PHYH: variants seen among roughly 807,000 people sequenced by gnomAD.
PHYH encodes phytanoyl-CoA dioxygenase, peroxisomal.
In PHYH, 32 loss-of-function variants were observed where a neutral mutation model predicts 38.5. That is an observed-to-expected ratio of 0.83 (90% CI 0.63 to 1.12). PHYH has a LOEUF of 1.12. PHYH is among the 50% of genes most tolerant of loss of function. PHYH has a pLI of 0.00. For missense variants in PHYH, 426 were observed against 434.8 expected (o/e 0.98, Z 0.18); for synonymous variants, 166 against 157.9 (o/e 1.05, Z -0.38).
At chr10:13,299,379 G>C (rs1003620762) in intron 1 of PHYH, 1 of 971,184 alleles carries the variant, frequency 1.0e-6, no homozygotes, top group Non-Finnish European at 1.2e-6. Flanking sequence ...CAGAAGAGCC[G>C]AGACAACAGG....
intron 2 of PHYH, 150 bp downstream of exon 2, chr10:13,298,037 C>T: frequency 1.7e-6 from 1 of 584,686 alleles, no homozygotes; most frequent in Non-Finnish European, 3.1e-6. Context: ...AAATTTTCCA[C>T]AAGTGCACTA....
intron 7 of PHYH, among the ~76,000 whole-genome samples, chr10:13,282,428 T>TAAA (rs952850922): frequency 1.6e-4 from 25 of 151,766 alleles, no homozygotes; most frequent in Admixed American, 1.4e-3. Context: ...CCATCTCTAC[T>TAAA]AAAAAATACA....
intron 6 of PHYH, 105 bp from the exon 7 acceptor site, chr10:13,283,944 C>T (rs761895165): frequency 7.9e-6 from 8 of 1,015,024 alleles, no homozygotes; most frequent in Non-Finnish European, 1.3e-5. Context: ...GAAAGCATTT[C>T]TCTCTCCCAA....
chr10:13,291,649 T>A, intron 5 of PHYH, 182 bp downstream of exon 5: 1 of 598,472 alleles, frequency 1.7e-6, no homozygotes, highest in South Asian at 1.9e-5. Flanking sequence ...TGGATATTTT[T>A]AAATTTTATT....
intron 5 of PHYH, among the ~76,000 whole-genome samples, chr10:13,290,341 C>G (rs186752116): frequency 1.1e-4 from 17 of 151,906 alleles, no homozygotes; most frequent in Admixed American, 1.1e-3. Flanking sequence ...CCTCACCCCC[C>G]ACAACTATAG....
At chr10:13,298,961 T>TAAC (rs1329384980) in intron 1 of PHYH, among the ~76,000 whole-genome samples, 74 of 61,362 alleles carry the variant, frequency 1.2e-3, no homozygotes, top group Admixed American at 0.011. Context: ...ATAATAATAA[T>TAAC]AATAACAACA....
At chr10:13,289,176 T>C (rs1006799599) in intron 5 of PHYH, among the ~76,000 whole-genome samples, 1 of 152,048 alleles carries the variant, frequency 6.6e-6, no homozygotes, top group African/African-American at 2.4e-5. Context: ...AACATCCTCA[T>C]CTCTGTTGTG....
chr10:13,279,002 T>G (rs893424764), intron 8 of PHYH, among the ~76,000 whole-genome samples: 1 of 152,054 alleles, frequency 6.6e-6, no homozygotes, highest in East Asian at 1.9e-4. Flanking sequence ...TTTTTCTGCA[T>G]AATTTTTTTT....
At position 13,288,540 on chromosome 10, in the gene PHYH, G is replaced by C. The variant is rs1835619341; in HGVS notation, c.498C>G (p.Gly166=). 2 of 1,613,950 alleles carry C rather than the reference G, an allele frequency of 1.2e-6. No individual in the cohort carries two copies. The highest frequency in any genetic ancestry group is 3.3e-5 in the Admixed American group (2 of 60,020). ...GCAGGGGGTGACGGGACGTCTTCTT[G>C]CCTGAAAAGAAAACCTGCTACTAAA... is the stretch of plus-strand genomic sequence containing the variant. ...TMLINKPPDS[G]KKTSRHPLHQ... is the part of the protein sequence containing the mutation. The change falls in exon 6 of 9, where the codon GGC becomes GGG. Residue 166 remains glycine (G), a splice_region_variant and synonymous_variant. Transcript: ENST00000263038.
intron 8 of PHYH, among the ~76,000 whole-genome samples, chr10:13,280,364 A>G: frequency 6.6e-6 from 1 of 151,358 alleles, no homozygotes; most frequent in East Asian, 1.9e-4. Flanking sequence ...TTTTTGACAC[A>G]TGGTCTCACT....
At chr10:13,287,983 C>T (rs191850215) in intron 6 of PHYH, among the ~76,000 whole-genome samples, 14 of 152,212 alleles carry the variant, frequency 9.2e-5, no homozygotes, top group Admixed American at 2.6e-4. Flanking sequence ...AGTTCAAGAC[C>T]AGCCTGGCCA....
At chr10:13,299,932 G>C in intron 1 of PHYH, 36 bp downstream of exon 1, 2 of 1,495,584 alleles carry the variant, frequency 1.3e-6, no homozygotes, top group Non-Finnish European at 1.8e-6. Context: ...CGCCGGCGCC[G>C]GATCCAGCCC....
At chr10:13,284,056 T>TTC (rs1835484625) in intron 6 of PHYH, among the ~76,000 whole-genome samples, 1 of 152,138 alleles carries the variant, frequency 6.6e-6, no homozygotes, top group Non-Finnish European at 1.5e-5. Flanking sequence ...GGCATGGTGG[T>TTC]TCATGCCTGT....
rs11430020 is a variant in PHYH, at chr10:13,281,399, GT to G, written c.829-290del. Among the ~76,000 whole-genome samples, 2,482 of 145,124 alleles carry G rather than the reference GT, an allele frequency of 0.017. 70 individuals are homozygous for G. Among genetic ancestry groups the G allele is most frequent in the African/African-American group, 0.055 (2,217 of 40,042 alleles). On this transcript the variant is annotated intron_variant, in intron 7 of 8. Transcript: ENST00000263038. ...GAATTATGTCAGTAAGAGGTATTTA[GT>G]TTTTTTTTTTTTTAGCATTTTATTT...
intron 5 of PHYH, among the ~76,000 whole-genome samples, chr10:13,289,407 G>C (rs1175115168): frequency 6.6e-6 from 1 of 151,934 alleles, no homozygotes; most frequent in Non-Finnish European, 1.5e-5. Context: ...GTGTTAGCCA[G>C]GATGGTCTTG....
At chr10:13,299,331 A>T (rs1054236762) in intron 1 of PHYH, 90 of 518,046 alleles carry the variant, frequency 1.7e-4, no homozygotes, top group Non-Finnish European at 2.2e-4. Flanking sequence ...ACTGGCCATC[A>T]CGGCTCACTG....
intron 1 of PHYH, chr10:13,299,433 C>G: frequency 2.0e-6 from 2 of 1,000,946 alleles, no homozygotes; most frequent in Non-Finnish European, 2.4e-6. Flanking sequence ...CTGTCCTTCC[C>G]CAAATAGTGT....
intron 6 of PHYH, among the ~76,000 whole-genome samples, chr10:13,284,950 T>A (rs1478973020): frequency 6.6e-6 from 1 of 152,008 alleles, no homozygotes; most frequent in African/African-American, 2.4e-5. Flanking sequence ...TAATCATACC[T>A]CCCACTCTGC....
intron 1 of PHYH, 129 bp from the exon 2 acceptor site, chr10:13,298,374 C>G (rs1832633806): frequency 3.1e-6 from 2 of 640,468 alleles, no homozygotes; most frequent in African/African-American, 1.8e-5. Flanking sequence ...CGAGACCAGC[C>G]TGGCCAACAT....
Sources: gnomAD v4.1 joint callset for allele counts (sites outside exome capture counted in the v4.1 genomes callset) on GRCh38, gnomAD v4.1.1 for gene constraint, MANE v1.5 for transcripts, NCBI Gene and HGNC (gene_info 2026-07-23, HGNC 2026-07-21) for gene names.